REV3L: variants seen among roughly 807,000 people sequenced by gnomAD.
The protein encoded by REV3L is DNA polymerase zeta catalytic subunit.
A neutral mutation model predicts 299.4 loss-of-function variants in REV3L; 69 were observed. That is an observed-to-expected ratio of 0.23 (90% CI 0.19 to 0.28). The LOEUF is 0.28. Among genes scored for constraint, REV3L ranks in the 10% least tolerant of loss-of-function variants. REV3L has a pLI of 1.00. For synonymous variants in REV3L, 1,238 were observed against 1,271.4 expected (o/e 0.97, Z 0.56); for missense variants, 3,128 against 3,693.8 (o/e 0.85, Z 3.97).
rs778888014 is a variant in REV3L, at chr6:111,375,243, A to G, written c.3112T>C (p.Tyr1038His). Residue 1038 changes from tyrosine (Y) to histidine (H), a missense_variant, in exon 13 of 32, where the codon TAT becomes CAT. Tyr to His is a moderately conservative substitution (Grantham distance 83). This residue lies in a region of REV3L where 2,409 missense variants were observed against 2,611.8 expected (regional missense o/e 0.92). Transcript: ENST00000368802. Reference protein sequence around the residue: ...PDSPATKYPIYPLTPKKSHRR... With the variant: ...PDSPATKYPIHPLTPKKSHRR... ...TGACTTTTCTTTGGTGTTAGTGGAT[A>G]AATGGGATATTTGGTTGCAGGGGAG... 35 of 1,612,240 alleles carry G rather than the reference A, an allele frequency of 2.2e-5. No individual in the cohort carries two copies. The highest frequency in any genetic ancestry group is 3.3e-4 in the Middle Eastern group (2 of 6,076).
intron 4 of REV3L, among the ~76,000 whole-genome samples, chr6:111,401,791 CA>C (rs1391177062): frequency 1.3e-5 from 2 of 152,098 alleles, no homozygotes; most frequent in Admixed American, 6.5e-5. Context: ...GACATTAGAG[CA>C]TTGCATATAG....
intron 1 of REV3L, among the ~76,000 whole-genome samples, chr6:111,459,108 G>C (rs1031637409): frequency 1.3e-5 from 2 of 151,928 alleles, no homozygotes; most frequent in African/African-American, 4.8e-5. Context: ...AAACAGAATA[G>C]ACAACCCAGA....
intron 1 of REV3L, among the ~76,000 whole-genome samples, chr6:111,446,701 AAAAC>A (rs35603807): frequency 0.2 from 30,431 of 149,644 alleles, 3,762 homozygotes; most frequent in East Asian, 0.38. Context: ...ACTCTGTCTC[AAAAC>A]AAACAAACAA....
At chr6:111,357,359 T>C (rs1290737544) in intron 17 of REV3L, among the ~76,000 whole-genome samples, 4 of 152,196 alleles carry the variant, frequency 2.6e-5, no homozygotes, top group Non-Finnish European at 4.4e-5. Context: ...TTTTCAGCTA[T>C]TCTCCTGAAA....
chr6:111,330,324 G>A, intron 24 of REV3L: 1 of 453,266 alleles, frequency 2.2e-6, no homozygotes. Flanking sequence ...TGGAAGAGGG[G>A]ATGAATAGTG....
At chr6:111,339,464 CCTCA>C (rs1218710814) in intron 21 of REV3L, among the ~76,000 whole-genome samples, 2 of 151,988 alleles carry the variant, frequency 1.3e-5, no homozygotes, top group African/African-American at 4.8e-5. Flanking sequence ...GTACTCATTT[CCTCA>C]CTAACAAAAA....
At position 111,389,082 on chromosome 6, in the gene REV3L, A is replaced by T. The variant is rs750361620; in HGVS notation, c.862+24T>A. 3 of 1,511,468 alleles carry T rather than the reference A, an allele frequency of 2.0e-6. No homozygotes were observed. The East Asian group carries it at 6.8e-5, about 34-fold the overall frequency. The allele number at this position is 1,511,468 out of a possible 1,614,324, so 93.6% of individuals were successfully genotyped here. ...TTAAAATACTTGATTTAAAAGAATA[A>T]TCAGAGCACTATTAGGTTTATACCT... On this transcript the variant is annotated intron_variant, in intron 7 of 31. Coordinates refer to ENST00000368802, the MANE Select transcript of REV3L (RefSeq NM_001372078.1).
chr6:111,386,104 C>T (rs1781317431), intron 9 of REV3L, among the ~76,000 whole-genome samples: 1 of 152,170 alleles, frequency 6.6e-6, no homozygotes, highest in Admixed American at 6.5e-5. Context: ...CAGATGCTAT[C>T]TAGGTAGAGT....
At position 111,469,723 on chromosome 6, in the gene REV3L, C is replaced by G. The variant is rs527378056; in HGVS notation, c.139+13027G>C. On this transcript the variant is annotated intron_variant, in intron 1 of 31. Coordinates refer to ENST00000368802, the MANE Select transcript of REV3L (RefSeq NM_001372078.1). Reference sequence around the variant, plus strand: ...AAACAACCAGTACGGATTATCCAGACATAGCTATCCTAGACCAACCAGCTC... The same window carrying G: ...AAACAACCAGTACGGATTATCCAGAGATAGCTATCCTAGACCAACCAGCTC... Among the ~76,000 whole-genome samples, 6 of 152,344 alleles carry G rather than the reference C, an allele frequency of 3.9e-5. No homozygotes were observed. The East Asian group carries it at 1.2e-3, about 29-fold the overall frequency.
chr6:111,335,716 T>A, intron 21 of REV3L, 106 bp from the exon 22 acceptor site: 1 of 1,134,996 alleles, frequency 8.8e-7, no homozygotes, highest in Non-Finnish European at 1.2e-6. Flanking sequence ...TGAGGTTACT[T>A]AAGGAAAGAG....
chr6:111,304,853 T>C (rs1031983917), intron 31 of REV3L, among the ~76,000 whole-genome samples: 8 of 152,106 alleles, frequency 5.3e-5, no homozygotes, highest in Non-Finnish European at 8.8e-5. Flanking sequence ...CATGCAGTAT[T>C]TGGTTTTCTG....
intron 4 of REV3L, among the ~76,000 whole-genome samples, chr6:111,394,579 T>C (rs556238607): frequency 2.6e-4 from 40 of 152,336 alleles, no homozygotes; most frequent in African/African-American, 9.6e-4. Flanking sequence ...CTCTGTTGAT[T>C]GTTTCCTTTG....
Position 111,333,224 on chromosome 6 carries a change from G to A in REV3L, c.7824C>T (p.Asn2608=). The change falls in exon 23 of 32, where the codon AAC becomes AAT. Residue 2608 remains asparagine, a synonymous_variant. Transcript: ENST00000368802. The part of the protein sequence containing the change: ...IMEPESRFYS[N]SVLVLDFQSL... Reference sequence around the variant, plus strand: ...ATTGGAAATCCAAAACGAGAACAGAGTTGCTATAGAAGCGGGATTCAGGCT... The same window carrying A: ...ATTGGAAATCCAAAACGAGAACAGAATTGCTATAGAAGCGGGATTCAGGCT... 5 of 1,614,146 alleles carry A rather than the reference G, an allele frequency of 3.1e-6. No homozygotes were observed. Among genetic ancestry groups the A allele is most frequent in the Non-Finnish European group, 4.2e-6 (5 of 1,180,026 alleles).
chr6:111,430,213 A>T (rs539736003), intron 1 of REV3L: 11 of 821,460 alleles, frequency 1.3e-5, no homozygotes, highest in Admixed American at 3.4e-5. Context: ...AAACAAGAAG[A>T]AGTAGAACAG....
upstream of REV3L, chr6:111,483,250 G>A (rs1439988471): frequency 3.5e-5 from 17 of 485,730 alleles, no homozygotes; most frequent in African/African-American, 2.7e-4. Context: ...GGGAGAGGGG[G>A]GTGTGTGTGG....
intron 23 of REV3L, among the ~76,000 whole-genome samples, chr6:111,332,884 G>C (rs753746220): frequency 3.8e-4 from 58 of 152,168 alleles, no homozygotes; most frequent in Admixed American, 1.6e-3. Flanking sequence ...TGAAACAGTT[G>C]CAAGGCTGAC....
chr6:111,370,947 T>C (rs1779740803), intron 13 of REV3L, among the ~76,000 whole-genome samples: 3 of 152,166 alleles, frequency 2.0e-5, no homozygotes, highest in Admixed American at 1.3e-4. Context: ...AACAAATGTG[T>C]AATATTCATA....
chr6:111,408,060 A>G (rs1295472750), intron 3 of REV3L, among the ~76,000 whole-genome samples: 1 of 152,206 alleles, frequency 6.6e-6, no homozygotes, highest in African/African-American at 2.4e-5. Context: ...TATAATTAGC[A>G]AAGTTTTATT....
At chr6:111,467,602 G>C (rs1352383603) in intron 1 of REV3L, among the ~76,000 whole-genome samples, 1 of 152,230 alleles carries the variant, frequency 6.6e-6, no homozygotes, top group East Asian at 1.9e-4. Context: ...TACTGAATGC[G>C]TACAAACTTT....
Sources: gnomAD v4.1 joint callset for allele counts (sites outside exome capture counted in the v4.1 genomes callset) on GRCh38, gnomAD v4.1.1 for gene constraint, gnomAD v4.1.1 regional missense constraint, MANE v1.5 for transcripts, NCBI Gene and HGNC (gene_info 2026-07-23, HGNC 2026-07-21) for gene names.